The following WDR27 variants were observed in gnomAD, a reference collection of about 807,000 sequenced individuals.
WDR27 encodes the protein WD repeat domain 27.
A neutral mutation model predicts 114.4 loss-of-function variants in WDR27; 100 were observed. That is an observed-to-expected ratio of 0.87 (90% confidence interval 0.74 to 1.03). The LOEUF (loss-of-function observed/expected upper bound fraction) is 1.03, where lower values mean the gene tolerates loss of function less well. Among genes scored for constraint, WDR27 ranks in the 50% least tolerant of loss-of-function variants. The probability of loss-of-function intolerance (pLI) is 0.00; values close to 1 mark genes in which losing one functional copy is unlikely to be tolerated. For missense variants in WDR27, 1,129 were observed against 1,092.9 expected (o/e 1.03, Z -0.47); for synonymous variants, 449 against 423.1 (o/e 1.06, Z -0.75).
At chr6:169,448,399 T>G in the WDR27 span, among the ~76,000 whole-genome samples, 28 of 150,598 alleles carry the variant, frequency 1.9e-4, no homozygotes, top group African/African-American at 6.9e-4. Flanking sequence ...TCTATGTGTG[T>G]GTGTGTGTGT....
At chr6:169,606,920 G>A (rs1050982951) in intron 22 of WDR27, among the ~76,000 whole-genome samples, 2 of 152,082 alleles carry the variant, frequency 1.3e-5, no homozygotes, top group African/African-American at 4.8e-5. Context: ...ACTAATGTAC[G>A]TTCCCACCAA....
Position 169,457,583 on chromosome 6 carries a change from G to T in WDR27, c.*9C>A, listed in dbSNP as rs895884695. 2 of 1,551,334 alleles carry T rather than the reference G, an allele frequency of 1.3e-6. No individual in the cohort carries two copies. Among genetic ancestry groups the T allele is most frequent in the African/African-American group, 2.7e-5 (2 of 73,058 alleles). Reference sequence around the variant, plus strand: ...CCTGGACCCAGCTCACAGGTCAGTGGTTACTCAGCTAGAAAGAGCTGGAGT... The same window carrying T: ...CCTGGACCCAGCTCACAGGTCAGTGTTTACTCAGCTAGAAAGAGCTGGAGT... On this transcript the variant is annotated 3_prime_UTR_variant, in exon 26 of 26. Coordinates refer to ENST00000448612, the MANE Select transcript of WDR27 (RefSeq NM_182552.5).
chr6:169,480,201 C>T (rs952487628), intron 25 of WDR27, among the ~76,000 whole-genome samples: 37 of 152,318 alleles, frequency 2.4e-4, no homozygotes, highest in Middle Eastern at 3.4e-3. Context: ...GTGGAAGGTG[C>T]GCCAGGTCCC....
At chr6:169,546,520 C>T (rs1797474619) in intron 25 of WDR27, among the ~76,000 whole-genome samples, 2 of 152,166 alleles carry the variant, frequency 1.3e-5, no homozygotes, top group Admixed American at 1.3e-4. Flanking sequence ...TCCACAGTCT[C>T]CTCAGACTTG....
chr6:169,649,140 G>T, intron 15 of WDR27, 58 bp downstream of exon 15: 2 of 1,411,126 alleles, frequency 1.4e-6, no homozygotes, highest in Non-Finnish European at 2.0e-6. Flanking sequence ...ACCAGTTAAA[G>T]TGTTGGAAAG....
At chr6:169,476,964 T>C (rs901877930) in intron 25 of WDR27, among the ~76,000 whole-genome samples, 2 of 152,166 alleles carry the variant, frequency 1.3e-5, no homozygotes, top group African/African-American at 4.8e-5. Context: ...TCAAAAGGAG[T>C]TGTAAAAGTG....
At chr6:169,508,594 C>A (rs1792329054) in intron 25 of WDR27, among the ~76,000 whole-genome samples, 1 of 152,142 alleles carries the variant, frequency 6.6e-6, no homozygotes, top group East Asian at 1.9e-4. Flanking sequence ...CAATTGCACA[C>A]AAGAATATTC....
chr6:169,697,376 C>T (rs917560912), intron 1 of WDR27, among the ~76,000 whole-genome samples: 6 of 152,100 alleles, frequency 3.9e-5, no homozygotes, highest in Non-Finnish European at 8.8e-5. Context: ...CGAGGTCTAG[C>T]GGTAGCCTCA....
At chr6:169,494,240 C>T (rs1375919152) in intron 25 of WDR27, among the ~76,000 whole-genome samples, 1 of 152,030 alleles carries the variant, frequency 6.6e-6, no homozygotes, top group Admixed American at 6.6e-5. Context: ...TGGGGGTGGG[C>T]CTCATCCAAT....
the WDR27 span, among the ~76,000 whole-genome samples, chr6:169,439,302 TC>T: frequency 6.6e-6 from 1 of 152,218 alleles, no homozygotes; most frequent in East Asian, 1.9e-4. Context: ...TTGGTTGTTA[TC>T]TTAAAATGCC....
chr6:169,650,093 C>A (rs1445154543), intron 14 of WDR27, among the ~76,000 whole-genome samples: 1 of 149,504 alleles, frequency 6.7e-6, no homozygotes, highest in Non-Finnish European at 1.5e-5. Context: ...CTCATCTCTG[C>A]ATCCCTCCTT....
chr6:169,667,305 G>C (rs1374980839), intron 5 of WDR27, 118 bp from the exon 6 acceptor site: 51 of 1,252,936 alleles, frequency 4.1e-5, no homozygotes, highest in Non-Finnish European at 4.8e-5. Flanking sequence ...ATCTAAAACA[G>C]AAAACAATAA....
chr6:169,447,137 A>C, the WDR27 span, among the ~76,000 whole-genome samples: 1 of 152,268 alleles, frequency 6.6e-6, no homozygotes. Context: ...GTATTTCTGT[A>C]CTAATTTTTT....
At chr6:169,625,392 C>T (rs1814539896) in intron 21 of WDR27, among the ~76,000 whole-genome samples, 1 of 152,182 alleles carries the variant, frequency 6.6e-6, no homozygotes, top group Admixed American at 6.5e-5. Flanking sequence ...AGTAAGGGGC[C>T]GAGTCCAACT....
intron 25 of WDR27, among the ~76,000 whole-genome samples, chr6:169,462,598 C>A (rs1257877604): frequency 6.6e-6 from 1 of 152,084 alleles, no homozygotes; most frequent in Non-Finnish European, 1.5e-5. Context: ...GAAACTTTTA[C>A]AAAAAACTGA....
downstream of WDR27, among the ~76,000 whole-genome samples, chr6:169,453,146 T>C (rs943140543): frequency 3.3e-5 from 5 of 152,182 alleles, no homozygotes; most frequent in Non-Finnish European, 5.9e-5. Context: ...CTCATGACTA[T>C]AGCACAAACT....
At chr6:169,545,492 T>C (rs914012859) in intron 25 of WDR27, among the ~76,000 whole-genome samples, 27 of 152,090 alleles carry the variant, frequency 1.8e-4, no homozygotes, top group African/African-American at 6.0e-4. Context: ...GCCCAGGAGT[T>C]TGAGGTGGTG....
At chr6:169,663,448 C>T (rs1222350720) in intron 8 of WDR27, 3 of 151,734 alleles carry the variant, frequency 2.0e-5, no homozygotes, top group South Asian at 2.1e-4. Flanking sequence ...TAATATGAAA[C>T]GTCAGCTGCA....
intron 21 of WDR27, 62 bp downstream of exon 21, chr6:169,632,883 ATC>A: frequency 2.8e-6 from 4 of 1,427,326 alleles, no homozygotes; most frequent in Non-Finnish European, 3.8e-6. Context: ...ATACATTTGT[ATC>A]TGTTAAATGC....
Sources: allele counts gnomAD v4.1 joint callset (sites outside exome capture counted in the v4.1 genomes callset), GRCh38; gene constraint gnomAD v4.1.1; transcripts MANE v1.5; gene names NCBI Gene and HGNC (gene_info 2026-07-23, HGNC 2026-07-21).